DKK2: variants seen among roughly 807,000 people sequenced by gnomAD.
DKK2 encodes dickkopf Wnt signaling pathway inhibitor 2.
DKK2 carries 11 observed loss-of-function variants against 28.1 expected under a neutral mutation model. That is an observed-to-expected ratio of 0.39 (90% CI 0.25 to 0.65). DKK2 has a LOEUF of 0.65. Ranked by LOEUF, DKK2 falls within the 30% of genes least tolerant of loss-of-function variation. The probability of loss-of-function intolerance (pLI) is 0.47; values close to 1 mark genes in which losing one functional copy is unlikely to be tolerated. For synonymous variants in DKK2, 135 were observed against 126.5 expected, an observed-to-expected ratio of 1.07 and a Z score of -0.45; for missense variants, 326 against 335.5, an observed-to-expected ratio of 0.97 and a Z score of 0.22.
At chr4:106,990,815 T>C (rs970439569) in intron 1 of DKK2, among the ~76,000 whole-genome samples, 1 of 151,914 alleles carries the variant, frequency 6.6e-6, no homozygotes, top group African/African-American at 2.4e-5. Context: ...TGGCACTGAA[T>C]AGAATGGAGA....
At chr4:106,977,522 T>A (rs1188307800) in intron 1 of DKK2, among the ~76,000 whole-genome samples, 5 of 152,204 alleles carry the variant, frequency 3.3e-5, no homozygotes, top group Non-Finnish European at 7.3e-5. Context: ...TTCTTCCACT[T>A]GATTGATTCA....
intron 1 of DKK2, among the ~76,000 whole-genome samples, chr4:107,021,653 T>G (rs550031176): frequency 6.6e-5 from 10 of 152,194 alleles, no homozygotes; most frequent in Non-Finnish European, 1.3e-4. Context: ...TACTTCTACT[T>G]CCCTGTGAGC....
At chr4:106,980,492 T>A (rs1723011909) in intron 1 of DKK2, among the ~76,000 whole-genome samples, 1 of 152,178 alleles carries the variant, frequency 6.6e-6, no homozygotes, top group Non-Finnish European at 1.5e-5. Flanking sequence ...ATGGAAGATA[T>A]GTAATTTAAC....
chr4:106,969,772 G>T (rs1722838597), intron 1 of DKK2, among the ~76,000 whole-genome samples: 1 of 152,100 alleles, frequency 6.6e-6, no homozygotes, highest in African/African-American at 2.4e-5. Flanking sequence ...ATGAAAGGAA[G>T]AAATGGAGCT....
At chr4:106,975,719 T>C (rs1722934063) in intron 1 of DKK2, among the ~76,000 whole-genome samples, 1 of 152,198 alleles carries the variant, frequency 6.6e-6, no homozygotes, top group Admixed American at 6.6e-5. Context: ...TTTGGAAGGA[T>C]TTTTCATGTC....
chr4:107,016,414 T>C (rs1352334263), intron 1 of DKK2, among the ~76,000 whole-genome samples: 1 of 151,958 alleles, frequency 6.6e-6, no homozygotes, highest in Non-Finnish European at 1.5e-5. Flanking sequence ...CCAATTCTTT[T>C]TAATGTTCTA....
At chr4:106,931,345 A>C (rs548190664) in intron 1 of DKK2, among the ~76,000 whole-genome samples, 1 of 152,258 alleles carries the variant, frequency 6.6e-6, no homozygotes, top group Admixed American at 6.5e-5. Flanking sequence ...GTATTTATTT[A>C]TTGAACACCA....
chr4:106,940,355 A>G (rs1216991498), intron 1 of DKK2, among the ~76,000 whole-genome samples: 2 of 152,166 alleles, frequency 1.3e-5, no homozygotes, highest in African/African-American at 2.4e-5. Context: ...AACACATGAA[A>G]AAATGCTCAT....
chr4:107,017,305 T>A (rs1018430147), intron 1 of DKK2, among the ~76,000 whole-genome samples: 1 of 152,032 alleles, frequency 6.6e-6, no homozygotes, highest in Non-Finnish European at 1.5e-5. Context: ...TGGGATAAAA[T>A]CCCTTCTGGA....
intron 1 of DKK2, among the ~76,000 whole-genome samples, chr4:107,022,120 A>C (rs1462946942): frequency 6.6e-6 from 1 of 152,136 alleles, no homozygotes; most frequent in Admixed American, 6.6e-5. Context: ...AATCTTTATG[A>C]AAAAGAAAAA....
chr4:107,010,556 T>C (rs1187701765), intron 1 of DKK2, among the ~76,000 whole-genome samples: 1 of 151,570 alleles, frequency 6.6e-6, no homozygotes, highest in African/African-American at 2.4e-5. Flanking sequence ...AATAAGTATG[T>C]GGTCCAACTT....
chr4:106,962,933 G>GC (rs1196555000), intron 1 of DKK2, among the ~76,000 whole-genome samples: 3 of 151,968 alleles, frequency 2.0e-5, no homozygotes, highest in African/African-American at 7.3e-5. Flanking sequence ...AAAATAATTG[G>GC]ATTTAAAAAG....
intron 1 of DKK2, among the ~76,000 whole-genome samples, chr4:106,938,955 T>C (rs1270936619): frequency 2.0e-5 from 3 of 151,488 alleles, no homozygotes; most frequent in Non-Finnish European, 4.4e-5. Context: ...ATTGATGGGA[T>C]GTATTTCAAA....
rs1029499442 is a variant in DKK2 at position 107,035,750 on chromosome 4, C to T, written c.-159G>A. On this transcript the variant is annotated 5_prime_UTR_variant, in exon 1 of 4. Coordinates refer to ENST00000285311, the MANE Select transcript of DKK2 (RefSeq NM_014421.3). ...GTTCGGGGACCCAGGACCCTATGAA[C>T]TCAGTCTCACGCCTCAGGACAGAAA... The T allele has an allele frequency of 4.2e-5, 28 of 665,770 alleles. No individual in the cohort carries two copies. The highest frequency in any genetic ancestry group is 4.1e-4 in the Middle Eastern group (1 of 2,418). The allele number at this position is 665,770 out of a possible 1,614,324, so 41.2% of individuals were successfully genotyped here. A position where few individuals can be genotyped will look rare whatever the true frequency, so the allele number is the denominator to read the frequency against.
chr4:106,971,887 T>G (rs1255191124), intron 1 of DKK2, among the ~76,000 whole-genome samples: 1 of 152,026 alleles, frequency 6.6e-6, no homozygotes, highest in East Asian at 1.9e-4. Flanking sequence ...GTCACCCACA[T>G]TTTGCAGTGG....
intron 1 of DKK2, among the ~76,000 whole-genome samples, chr4:107,023,167 T>C (rs2704322): frequency 2.8e-4 from 43 of 152,260 alleles, no homozygotes; most frequent in African/African-American, 7.5e-4. Context: ...CTTCAACTTT[T>C]CTTCATGTTA....
chr4:106,943,468 A>G (rs1182171578), intron 1 of DKK2, among the ~76,000 whole-genome samples: 1 of 152,148 alleles, frequency 6.6e-6, no homozygotes, highest in Non-Finnish European at 1.5e-5. Flanking sequence ...GGTAAAAAGG[A>G]AAATATTGAA....
intron 1 of DKK2, among the ~76,000 whole-genome samples, chr4:106,957,155 CTCA>C (rs1360018469): frequency 5.9e-5 from 9 of 152,244 alleles, no homozygotes; most frequent in African/African-American, 2.2e-4. Flanking sequence ...TGAGAAAATG[CTCA>C]TCATCACTGG....
intron 1 of DKK2, among the ~76,000 whole-genome samples, chr4:106,958,608 G>C (rs997155695): frequency 6.6e-6 from 1 of 151,852 alleles, no homozygotes; most frequent in Non-Finnish European, 1.5e-5. Context: ...GGCCGTGATG[G>C]GTGGATCACC....
Sources: gnomAD v4.1 joint callset for allele counts (sites outside exome capture counted in the v4.1 genomes callset) on GRCh38, gnomAD v4.1.1 for gene constraint, MANE v1.5 for transcripts, NCBI Gene and HGNC (gene_info 2026-07-23, HGNC 2026-07-21) for gene names.